MGAT1: variants seen among roughly 807,000 people sequenced by gnomAD.
MGAT1 encodes the protein N-glycosyl-oligosaccharide-glycoprotein N-acetylglucosaminyltransferase I.
MGAT1 carries 14 observed loss-of-function variants against 31.7 expected under a neutral mutation model. The ratio of observed to expected loss-of-function variants is 0.44; its 90% confidence interval spans 0.29 to 0.69. The LOEUF (loss-of-function observed/expected upper bound fraction) is 0.69, where lower values mean the gene tolerates loss of function less well. MGAT1 is among the 30% of genes least tolerant of loss of function. The probability of loss-of-function intolerance (pLI) is 0.12; values close to 1 mark genes in which losing one functional copy is unlikely to be tolerated. For missense variants in MGAT1, 557 were observed against 626.0 expected, an observed-to-expected ratio of 0.89 and a Z score of 1.18; for synonymous variants, 338 against 276.0, an observed-to-expected ratio of 1.22 and a Z score of -2.23.
intron 1 of MGAT1, among the ~76,000 whole-genome samples, chr5:180,800,071 T>C (rs1278360218): frequency 3.3e-5 from 5 of 152,162 alleles, no homozygotes; most frequent in African/African-American, 1.2e-4. Flanking sequence ...ATAGCTGAGA[T>C]GTTAATAAAA....
chr5:180,813,995 A>G lies in MGAT1; in HGVS notation c.-546+1419T>C, dbSNP rs118168080. Among the ~76,000 whole-genome samples the G allele has an allele frequency of 6.0e-4, 92 of 152,314 alleles. 1 individual carries two copies. The East Asian group carries it at 0.018, about 29-fold the overall frequency. On this transcript the variant is annotated intron_variant, in intron 1 of 2. Coordinates refer to the MGAT1 transcript ENST00000333055. ...GCAGCTGTTCCAGTCAATACAGCTG[A>G]TAGTAAATTTTAATAACTGGCAGTA...
At chr5:180,812,830 C>T (rs1264376096) in intron 1 of MGAT1, among the ~76,000 whole-genome samples, 1 of 151,706 alleles carries the variant, frequency 6.6e-6, no homozygotes, top group Non-Finnish European at 1.5e-5. Context: ...ATATAATTGC[C>T]GGTTTTAAAA....
intron 1 of MGAT1, among the ~76,000 whole-genome samples, chr5:180,799,857 T>C (rs2113415072): frequency 6.6e-6 from 1 of 152,302 alleles, no homozygotes; most frequent in South Asian, 2.1e-4. Context: ...CACCTGGTCC[T>C]CTTAAGATGC....
chr5:180,794,825 G>C (rs779554535), intron 1 of MGAT1, among the ~76,000 whole-genome samples: 20 of 149,260 alleles, frequency 1.3e-4, no homozygotes, highest in Non-Finnish European at 2.2e-4. Flanking sequence ...AGTCTCTCCT[G>C]CATGCCCCAT....
chr5:180,812,626 T>C (rs1772648197), intron 1 of MGAT1, among the ~76,000 whole-genome samples: 1 of 152,182 alleles, frequency 6.6e-6, no homozygotes, highest in African/African-American at 2.4e-5. Flanking sequence ...AAGACAGATA[T>C]TCCTGAATTG....
chr5:180,801,960 G>C (rs762541516), intron 1 of MGAT1, among the ~76,000 whole-genome samples: 2 of 152,206 alleles, frequency 1.3e-5, no homozygotes, highest in Non-Finnish European at 2.9e-5. Flanking sequence ...GCAGATCCTG[G>C]ATGATGTGAG....
rs1388071547 is a variant in MGAT1 at position 180,792,535 on chromosome 5, T to A, written c.437A>T (p.Glu146Val). 6.2e-7 allele frequency: 1 copy of A among 1,612,938 alleles called. No individual in the cohort carries two copies. The highest frequency in any genetic ancestry group is 1.1e-5 in the South Asian group (1 of 91,072). Reference sequence around the variant, plus strand: ...GGAGGCGATGGCCTGGGCCGTCTCCTCGTGCCCGCAGTCCTGGCTAACGAT... The same window carrying A: ...GGAGGCGATGGCCTGGGCCGTCTCCACGTGCCCGCAGTCCTGGCTAACGAT... ...PIIVSQDCGH[E>V]ETAQAIASYG... Residue 146 changes from glutamate to valine, a missense_variant, in exon 2 of 2, where the codon GAG becomes GTG. Coordinates refer to ENST00000307826, the MANE Select transcript of MGAT1 (RefSeq NM_002406.4).
At chr5:180,811,147 C>G (rs1362681441) in intron 1 of MGAT1, 6 of 152,246 alleles carry the variant, frequency 3.9e-5, no homozygotes, top group African/African-American at 1.4e-4. Flanking sequence ...TCTTGCCGGA[C>G]TGGGGATGGA....
chr5:180,792,980 C>G lies in MGAT1; in HGVS notation c.-9G>C, dbSNP rs544680574. 6.2e-7 allele frequency: 1 copy of G among 1,612,846 alleles called. No individual in the cohort carries two copies. The highest frequency in any genetic ancestry group is 1.1e-5 in the South Asian group (1 of 90,954). On this transcript the variant is annotated 5_prime_UTR_variant, in exon 2 of 2. Transcript: ENST00000307826. ...GACTGCTTCTTCAGCATCCTGGCCC[C>G]CACCGGGGAGGGCAGGCCAGGGGAC...
At chr5:180,805,983 T>C (rs374347675), upstream of MGAT1, among the ~76,000 whole-genome samples, 6 of 151,788 alleles carry the variant, frequency 4.0e-5, no homozygotes, top group East Asian at 1.2e-3. Context: ...TATAAATAAT[T>C]AATTGAGTTA....
upstream of MGAT1, among the ~76,000 whole-genome samples, chr5:180,804,396 C>T (rs530930294): frequency 3.9e-5 from 6 of 152,352 alleles, no homozygotes; most frequent in African/African-American, 1.4e-4. Context: ...GTGAAGCCTC[C>T]GCTTAAGTGG....
At chr5:180,814,362 C>G (rs534111210) in intron 1 of MGAT1, among the ~76,000 whole-genome samples, 4 of 152,224 alleles carry the variant, frequency 2.6e-5, no homozygotes, top group Admixed American at 6.5e-5. Context: ...ACATTGTCAA[C>G]CGCTCCCTTC....
chr5:180,785,943 C>T lies in MGAT1; in HGVS notation c.*5691G>A, dbSNP rs1005259277. The T allele has an allele frequency of 6.6e-6, 1 of 152,304 alleles. No homozygotes were observed. The highest frequency in any genetic ancestry group is 1.5e-5 in the Non-Finnish European group (1 of 68,084). 9.4% of individuals were successfully genotyped at this position (152,304 alleles called of 1,614,324 possible). A position where few individuals can be genotyped will look rare whatever the true frequency, so the allele number is the denominator to read the frequency against. On this transcript the variant is annotated 3_prime_UTR_variant, in exon 2 of 2. Coordinates refer to ENST00000307826, the MANE Select transcript of MGAT1 (RefSeq NM_002406.4). Reference sequence around the variant, plus strand: ...GCTGCACTGAGGGTGCATCCCACCTCCTGCAGGGAAGGCAGCCAGACCACA... The same window carrying T: ...GCTGCACTGAGGGTGCATCCCACCTTCTGCAGGGAAGGCAGCCAGACCACA...
chr5:180,812,279 C>T (rs866269292), intron 1 of MGAT1, among the ~76,000 whole-genome samples: 11 of 152,234 alleles, frequency 7.2e-5, no homozygotes, highest in African/African-American at 2.4e-4. Flanking sequence ...CTTCGGGCTT[C>T]TCTCACATGG....
At position 180,786,687 on chromosome 5, in the gene MGAT1, A is replaced by T. The variant is rs1262286888; in HGVS notation, c.*4947T>A. The T allele has an allele frequency of 1.3e-5, 2 of 152,364 alleles. No homozygotes were observed. Among genetic ancestry groups the T allele is most frequent in the African/African-American group, 4.8e-5 (2 of 41,396 alleles). 9.4% of individuals were successfully genotyped at this position (152,364 alleles called of 1,614,324 possible). A position where few individuals can be genotyped will look rare whatever the true frequency, so the allele number is the denominator to read the frequency against. On this transcript the variant is annotated 3_prime_UTR_variant, in exon 2 of 2. Coordinates refer to ENST00000307826, the MANE Select transcript of MGAT1 (RefSeq NM_002406.4). The stretch of plus-strand genomic sequence containing the variant: ...CTGGCTGGAGCTCCCGCAGCCAAGG[A>T]ATGAGACCTGACCTCGTGCTAAGAA...
At chr5:180,800,192 T>C (rs1170663249) in intron 1 of MGAT1, among the ~76,000 whole-genome samples, 1 of 152,240 alleles carries the variant, frequency 6.6e-6, no homozygotes, top group Non-Finnish European at 1.5e-5. Context: ...GCAGGGCAAG[T>C]GCCCTCCCTG....
In MGAT1 at chr5:180,790,436, A is replaced by G. The variant is rs1767895168; in HGVS notation, c.*1198T>C. The G allele has an allele frequency of 6.6e-6, 1 of 151,676 alleles. No homozygotes were observed. The highest frequency in any genetic ancestry group is 6.6e-5 in the Admixed American group (1 of 15,212). The allele number at this position is 151,676 out of a possible 1,614,324, so 9.4% of individuals were successfully genotyped here. ...CCCACTCATCTGCTTTCTTTCCTCA[A>G]CTTTGCTTCCTCCCACCCGTCTAGC... On this transcript the variant is annotated 3_prime_UTR_variant, in exon 2 of 2. Coordinates refer to ENST00000307826, the MANE Select transcript of MGAT1 (RefSeq NM_002406.4).
At chr5:180,798,075 C>T (rs1425862780) in intron 1 of MGAT1, among the ~76,000 whole-genome samples, 2 of 152,206 alleles carry the variant, frequency 1.3e-5, no homozygotes, top group Non-Finnish European at 1.5e-5. Flanking sequence ...CAGGAGAGTG[C>T]AGCAGCAACA....
chr5:180,807,638 C>T (rs1414033281), upstream of MGAT1, among the ~76,000 whole-genome samples: 1 of 152,208 alleles, frequency 6.6e-6, no homozygotes. Flanking sequence ...CTTTAATCAG[C>T]TACCTCAAAG....
Sources: allele counts gnomAD v4.1 joint callset (sites outside exome capture counted in the v4.1 genomes callset), GRCh38; gene constraint gnomAD v4.1.1; transcripts MANE v1.5; gene names NCBI Gene and HGNC (gene_info 2026-07-23, HGNC 2026-07-21).